The following ANTXR1 variants were observed in gnomAD, a reference collection of about 807,000 sequenced individuals.
ANTXR1 encodes anthrax toxin receptor 1.
In ANTXR1, 19 loss-of-function variants were observed where a neutral mutation model predicts 78.1. The ratio of observed to expected loss-of-function variants is 0.24; its 90% CI spans 0.17 to 0.36. The LOEUF (loss-of-function observed/expected upper bound fraction) is 0.36. Among genes scored for constraint, ANTXR1 ranks in the 10% least tolerant of loss-of-function variants. The pLI, the probability that ANTXR1 is intolerant of heterozygous loss-of-function variation, is 1.00. For synonymous variants in ANTXR1, 273 were observed against 260.5 expected, an observed-to-expected ratio of 1.05 and a Z score of -0.46; for missense variants, 518 against 718.6, an observed-to-expected ratio of 0.72 and a Z score of 3.19.
Position 69,112,954 on chromosome 2 carries a change from A to C in ANTXR1, c.802+10014A>C, listed in dbSNP as rs994883236. Among the ~76,000 whole-genome samples the C allele has an allele frequency of 2.6e-5, 4 of 152,194 alleles. 1 individual carries two copies. The South Asian group carries it at 8.3e-4, about 32-fold the overall frequency. ...CGCCACCAGAGGTAACTAGGTGGCA[A>C]GGTTTTCAGTTGGGAGTAAAAGAGT... On this transcript the variant is annotated intron_variant, in intron 10 of 17. Transcript: ENST00000303714.
intron 5 of ANTXR1, among the ~76,000 whole-genome samples, chr2:69,072,159 T>C (rs1367967598): frequency 6.6e-6 from 1 of 152,234 alleles, no homozygotes; most frequent in African/African-American, 2.4e-5. Context: ...TCCAAGCCTC[T>C]TCATTACTGT....
At chr2:69,053,335 C>G (rs1172577407) in intron 3 of ANTXR1, among the ~76,000 whole-genome samples, 1 of 152,190 alleles carries the variant, frequency 6.6e-6, no homozygotes, top group Non-Finnish European at 1.5e-5. Flanking sequence ...ACCCAGCAGT[C>G]TTTCCAAGGC....
intron 16 of ANTXR1, among the ~76,000 whole-genome samples, chr2:69,185,484 G>A (rs1425944937): frequency 6.6e-6 from 1 of 151,416 alleles, no homozygotes; most frequent in African/African-American, 2.4e-5. Context: ...AGGTTGCAGT[G>A]AGCTGAGACT....
At chr2:69,077,639 A>T (rs1670777030) in intron 8 of ANTXR1, 151 bp downstream of exon 8, 5 of 843,386 alleles carry the variant, frequency 5.9e-6, no homozygotes. Context: ...GCCACGTCCC[A>T]TCTCTCCCTT....
rs556083463 is a variant in ANTXR1, at chr2:69,212,124, C to A, written c.1434+18709C>A. On this transcript the variant is annotated intron_variant, in intron 17 of 17. Coordinates refer to ENST00000303714, the MANE Select transcript of ANTXR1 (RefSeq NM_032208.3). ...TTCTACCTCTATCTCTAATACCTTG[C>A]ATATGGTAGAATTAGTAAATTCTTT... 2.0e-5 allele frequency among the ~76,000 whole-genome samples: 3 copies of A among 152,124 alleles called. No individual in the cohort carries two copies. The South Asian group carries it at 6.2e-4, about 32-fold the overall frequency.
chr2:69,145,812 C>G (rs528114388), intron 12 of ANTXR1: 147 of 989,536 alleles, frequency 1.5e-4, no homozygotes, highest in Non-Finnish European at 1.7e-4. Context: ...GCCTGGTTCT[C>G]TCCCATTATA....
At chr2:69,051,929 C>A (rs1669944195) in intron 3 of ANTXR1, among the ~76,000 whole-genome samples, 1 of 151,918 alleles carries the variant, frequency 6.6e-6, no homozygotes, top group African/African-American at 2.4e-5. Flanking sequence ...TTTGCACTTC[C>A]TGATATATCT....
rs1170150800 is a variant in ANTXR1 at position 69,099,045 on chromosome 2, ACTAT to A, written c.704-3793_704-3790del. Among the ~76,000 whole-genome samples, 5 of 152,270 alleles carry A rather than the reference ACTAT, an allele frequency of 3.3e-5. No individual in the cohort carries two copies. The South Asian group carries it at 1.0e-3, about 32-fold the overall frequency. On this transcript the variant is annotated intron_variant, in intron 9 of 17. Transcript: ENST00000303714. The stretch of plus-strand genomic sequence containing the variant: ...ATCACAAAGTTGTACAACTATAATA[ACTAT>A]CTAATTCCAGAATATTTTCATCACT...
At chr2:69,162,188 A>G (rs141793858) in intron 13 of ANTXR1, among the ~76,000 whole-genome samples, 1 of 152,358 alleles carries the variant, frequency 6.6e-6, no homozygotes, top group Non-Finnish European at 1.5e-5. Flanking sequence ...GGATCTGGAA[A>G]TCAGATGGTC....
chr2:69,138,095 G>C (rs59712803), intron 12 of ANTXR1, among the ~76,000 whole-genome samples: 1 of 89,058 alleles, frequency 1.1e-5, no homozygotes, highest in African/African-American at 3.8e-5. Context: ...AAAAAAAAAA[G>C]AAAAAAAAAA....
intron 17 of ANTXR1, among the ~76,000 whole-genome samples, chr2:69,228,343 C>T (rs183068863): frequency 3.3e-5 from 5 of 152,320 alleles, no homozygotes; most frequent in Non-Finnish European, 1.5e-5. Flanking sequence ...CCCGTGGAAA[C>T]TTCTCAAATG....
chr2:69,118,279 T>C (rs1432165132), intron 10 of ANTXR1, among the ~76,000 whole-genome samples: 2 of 138,020 alleles, frequency 1.4e-5, no homozygotes, highest in African/African-American at 5.5e-5. Flanking sequence ...TAGCCAGGTG[T>C]GGCACTGCAC....
rs76355575 is a variant in ANTXR1, at chr2:69,073,177, T to C, written c.492+76T>C. ...CCTTTCTAAAATGGGCCACACTCTC[T>C]CTATTCATGTGATAGGTGTTCTTTG... On this transcript the variant is annotated intron_variant, in intron 6 of 17. Transcript: ENST00000303714. 7 of 1,291,232 alleles carry C rather than the reference T, an allele frequency of 5.4e-6. No individual in the cohort carries two copies. In the East Asian group the frequency reaches 1.4e-4, roughly 26 times the overall value. 80.0% of individuals were successfully genotyped at this position (1,291,232 alleles called of 1,614,324 possible).
intron 12 of ANTXR1, chr2:69,145,601 T>C: frequency 7.4e-7 from 1 of 1,353,326 alleles, no homozygotes; most frequent in African/African-American, 1.5e-5. Context: ...GGAGGCACTT[T>C]ATTGGCTACA....
At chr2:69,172,475 C>T in intron 14 of ANTXR1, 3 of 1,534,256 alleles carry the variant, frequency 2.0e-6, no homozygotes, top group Admixed American at 2.0e-5. Context: ...AAATCATAGT[C>T]TCAATCTAGA....
chr2:69,146,708 T>C (rs1673236957), intron 12 of ANTXR1, among the ~76,000 whole-genome samples: 1 of 152,200 alleles, frequency 6.6e-6, no homozygotes, highest in Non-Finnish European at 1.5e-5. Flanking sequence ...AACTTGTGAG[T>C]CAGGGAGCAC....
chr2:69,215,288 A>G (rs1675148541), intron 17 of ANTXR1, among the ~76,000 whole-genome samples: 1 of 152,212 alleles, frequency 6.6e-6, no homozygotes, highest in South Asian at 2.1e-4. Context: ...TTTTCTCTCC[A>G]AGAAATCCCT....
chr2:69,115,042 G>C (rs554041792), intron 10 of ANTXR1, among the ~76,000 whole-genome samples: 3 of 151,976 alleles, frequency 2.0e-5, no homozygotes, highest in African/African-American at 7.2e-5. Context: ...TTTTGGGCTG[G>C]ATAATTTATA....
intron 13 of ANTXR1, among the ~76,000 whole-genome samples, chr2:69,156,285 A>T (rs1297240953): frequency 6.6e-6 from 1 of 152,122 alleles, no homozygotes; most frequent in East Asian, 1.9e-4. Context: ...GTGCTGTCAG[A>T]AATCCTTGCA....
Sources: allele counts gnomAD v4.1 joint callset (sites outside exome capture counted in the v4.1 genomes callset), GRCh38; gene constraint gnomAD v4.1.1; transcripts MANE v1.5; gene names NCBI Gene and HGNC (gene_info 2026-07-23, HGNC 2026-07-21).